KSR2: variants seen among roughly 807,000 people sequenced by gnomAD.
KSR2 encodes the protein kinase suppressor of ras 2.
In KSR2, 25 loss-of-function variants were observed where a neutral mutation model predicts 107.8. The observed-to-expected ratio is 0.23, with a 90% CI of 0.17 to 0.32. The LOEUF is 0.32. KSR2 is among the 10% of genes least tolerant of loss of function. KSR2 has a pLI of 1.00. For synonymous variants in KSR2, 480 were observed against 507.0 expected (o/e 0.95, Z 0.71); for missense variants, 887 against 1,268.9 (o/e 0.70, Z 4.57).
At chr12:117,739,757 G>C (rs1381403416) in intron 4 of KSR2, among the ~76,000 whole-genome samples, 1 of 152,144 alleles carries the variant, frequency 6.6e-6, no homozygotes, top group Non-Finnish European at 1.5e-5. Context: ...GGTTGCTAGA[G>C]ACAGGATGAG....
intron 3 of KSR2, among the ~76,000 whole-genome samples, chr12:117,784,552 T>C (rs1246048505): frequency 7.2e-5 from 11 of 152,182 alleles, no homozygotes; most frequent in Admixed American, 2.6e-4. Context: ...GTTCAGCACT[T>C]GCTCCCTCCC....
chr12:117,804,035 CA>C (rs1303272576), intron 3 of KSR2, among the ~76,000 whole-genome samples: 1 of 152,126 alleles, frequency 6.6e-6, no homozygotes, highest in Non-Finnish European at 1.5e-5. Flanking sequence ...TAGCCATATC[CA>C]TTCTTTTATT....
At chr12:117,725,672 G>A (rs561901686) in intron 4 of KSR2, among the ~76,000 whole-genome samples, 5 of 152,258 alleles carry the variant, frequency 3.3e-5, no homozygotes, top group South Asian at 2.1e-4. Context: ...TTATTAGGCC[G>A]GGAGTAGTGG....
intron 1 of KSR2, among the ~76,000 whole-genome samples, chr12:117,936,444 G>A (rs1895839421): frequency 1.3e-5 from 2 of 151,734 alleles, no homozygotes; most frequent in South Asian, 4.2e-4. Context: ...CTCCCACCTC[G>A]GCCTCCAGAG....
chr12:117,753,947 C>CGTGTGT (rs34174404), intron 4 of KSR2, among the ~76,000 whole-genome samples: 1,577 of 128,980 alleles, frequency 0.012, 17 homozygotes, highest in Admixed American at 0.02. Context: ...AAGTATAGAG[C>CGTGTGT]GTGTGTGTGT....
chr12:117,822,653 G>A (rs909412977), intron 3 of KSR2, among the ~76,000 whole-genome samples: 1 of 152,146 alleles, frequency 6.6e-6, no homozygotes, highest in African/African-American at 2.4e-5. Flanking sequence ...CTACAATAAA[G>A]TAAGGTAGAG....
At chr12:117,547,176 C>A (rs1264454701) in intron 9 of KSR2, among the ~76,000 whole-genome samples, 1 of 152,170 alleles carries the variant, frequency 6.6e-6, no homozygotes, top group Non-Finnish European at 1.5e-5. Flanking sequence ...GGAGGTACTG[C>A]CTTGCTATTG....
chr12:117,562,176 G>A (rs567710987), intron 7 of KSR2, among the ~76,000 whole-genome samples: 57 of 151,976 alleles, frequency 3.8e-4, no homozygotes, highest in African/African-American at 1.2e-3. Flanking sequence ...GTGAGTTCAA[G>A]GGTCAAAAGT....
intron 1 of KSR2, among the ~76,000 whole-genome samples, chr12:117,886,951 T>A (rs1270818567): frequency 6.6e-6 from 1 of 152,068 alleles, no homozygotes; most frequent in African/African-American, 2.4e-5. Flanking sequence ...TGAGACAGAG[T>A]CTTACTCTAT....
intron 9 of KSR2, 31 bp from the exon 10 acceptor site, chr12:117,539,918 G>A (rs970456851): frequency 2.6e-5 from 41 of 1,567,638 alleles, no homozygotes; most frequent in Non-Finnish European, 3.5e-5. Flanking sequence ...AGGAGTCAGG[G>A]ACAGGCAGGG....
At chr12:117,470,334 C>T (rs557367122) in intron 18 of KSR2, among the ~76,000 whole-genome samples, 249 of 152,098 alleles carry the variant, frequency 1.6e-3, no homozygotes, top group Non-Finnish European at 3.0e-3. Flanking sequence ...ATGCATGCAT[C>T]TATACATCCA....
At chr12:117,877,575 A>G (rs1456840099) in intron 1 of KSR2, among the ~76,000 whole-genome samples, 1 of 152,184 alleles carries the variant, frequency 6.6e-6, no homozygotes, top group African/African-American at 2.4e-5. Flanking sequence ...TAAGTGCTTT[A>G]TGAATATTAT....
At chr12:117,612,382 G>A (rs757862847) in intron 5 of KSR2, among the ~76,000 whole-genome samples, 46 of 149,302 alleles carry the variant, frequency 3.1e-4, no homozygotes, top group Middle Eastern at 6.9e-3. Context: ...CCAGCCTGGC[G>A]ACAGAGCAAG....
chr12:117,603,385 C>A (rs1349770231), intron 5 of KSR2, among the ~76,000 whole-genome samples: 1 of 152,232 alleles, frequency 6.6e-6, no homozygotes, highest in African/African-American at 2.4e-5. Context: ...ATGCACAGAA[C>A]TTACAGATAA....
chr12:117,823,645 G>A (rs1354466631), intron 3 of KSR2, among the ~76,000 whole-genome samples: 2 of 152,174 alleles, frequency 1.3e-5, no homozygotes, highest in Admixed American at 6.5e-5. Flanking sequence ...CAAAGAGGTA[G>A]GAGGAAGACC....
chr12:117,611,327 T>C (rs1881582150), intron 5 of KSR2, among the ~76,000 whole-genome samples: 2 of 151,994 alleles, frequency 1.3e-5, no homozygotes, highest in South Asian at 4.2e-4. Context: ...TCACACTGGG[T>C]GTGGCAAGAC....
intron 3 of KSR2, among the ~76,000 whole-genome samples, chr12:117,780,523 A>G (rs1889846585): frequency 6.6e-6 from 1 of 152,198 alleles, no homozygotes; most frequent in South Asian, 2.1e-4. Flanking sequence ...ATTTATAAAG[A>G]CAGAAGGAAG....
intron 9 of KSR2, among the ~76,000 whole-genome samples, chr12:117,540,183 T>C (rs1592972517): frequency 6.6e-6 from 1 of 152,166 alleles, no homozygotes; most frequent in South Asian, 2.1e-4. Flanking sequence ...CTGTGCCTCT[T>C]TGATTCTGAA....
chr12:117,931,494 T>C (rs1240886020), intron 1 of KSR2, among the ~76,000 whole-genome samples: 1 of 152,168 alleles, frequency 6.6e-6, no homozygotes. Context: ...GGGCACAATC[T>C]TGAGTCAAGA....
Sources: gnomAD v4.1 joint callset for allele counts (sites outside exome capture counted in the v4.1 genomes callset) on GRCh38, gnomAD v4.1.1 for gene constraint, MANE v1.5 for transcripts, NCBI Gene and HGNC (gene_info 2026-07-23, HGNC 2026-07-21) for gene names.